The following MYADML2 variants were observed in gnomAD, a reference collection of about 807,000 sequenced individuals.
MYADML2 encodes myeloid-associated differentiation marker-like protein 2.
Under a neutral mutation model 16.0 loss-of-function variants are expected in MYADML2, and 17 were observed. That is an observed-to-expected ratio of 1.06 (90% CI 0.73 to 1.60). The LOEUF is 1.60. MYADML2 is among the 40% of genes most tolerant of loss of function. The probability of loss-of-function intolerance (pLI) is 0.00; values close to 1 mark genes in which losing one functional copy is unlikely to be tolerated. For synonymous variants in MYADML2, 210 were observed against 208.1 expected (o/e 1.01, Z -0.08); for missense variants, 422 against 437.7 (o/e 0.96, Z 0.32).
chr17:81,946,721 A>G (rs1338304781), intron 1 of MYADML2, among the ~76,000 whole-genome samples: 1 of 152,184 alleles, frequency 6.6e-6, no homozygotes, highest in Non-Finnish European at 1.5e-5. Flanking sequence ...CTGTACATCC[A>G]GCACTGTTGG....
At position 81,941,151 on chromosome 17, in the gene MYADML2, G is replaced by T; in HGVS notation, c.591C>A (p.Cys197Ter). The T allele has an allele frequency of 6.5e-7, 1 of 1,550,190 alleles. No individual in the cohort carries two copies. The highest frequency in any genetic ancestry group is 8.7e-7 in the Non-Finnish European group (1 of 1,146,940). Reference sequence around the variant, plus strand: ...GGAAGCACAGGCTGTAGACGGCCACGCACCACTGGGTGGCCACGTAGCGCC... The same window carrying T: ...GGAAGCACAGGCTGTAGACGGCCACTCACCACTGGGTGGCCACGTAGCGCC... The part of the protein sequence containing the change: ...RYGRYVATQW[C>*]VAVYSLCFLA... The change falls in exon 3 of 3, where the codon TGC becomes TGA. Residue 197 changes from cysteine (C) to a stop codon, truncating the protein, a stop_gained. Transcript: ENST00000409745. LOFTEE classifies it high-confidence loss of function.
In MYADML2 at chr17:81,941,145, G is replaced by A. The variant is rs181526972; in HGVS notation, c.597C>T (p.Ala199=). ...GRYVATQWCV[A]VYSLCFLATV... ...TGGCCAGGAAGCACAGGCTGTAGACGGCCACGCACCACTGGGTGGCCACGT... is the reference window on the plus strand; with the variant it reads ...TGGCCAGGAAGCACAGGCTGTAGACAGCCACGCACCACTGGGTGGCCACGT... Residue 199 remains alanine (A), a synonymous_variant, in exon 3 of 3, where the codon GCC becomes GCT. Coordinates refer to ENST00000409745, the MANE Select transcript of MYADML2 (RefSeq NM_001145113.3). 2,101 of 1,550,226 alleles carry A rather than the reference G, an allele frequency of 1.4e-3. 32 individuals carry two copies. The African/African-American group carries it at 0.025, about 18-fold the overall frequency.
In MYADML2 at chr17:81,942,776, C is replaced by T. The variant is rs1488919923; in HGVS notation, c.-180-403G>A. Among the ~76,000 whole-genome samples the T allele has an allele frequency of 1.3e-5, 2 of 152,062 alleles. No homozygotes were observed. The highest frequency in any genetic ancestry group is 2.4e-5 in the African/African-American group (1 of 41,402). The stretch of plus-strand genomic sequence containing the variant: ...CCATGTTGGCCAGGCTGGTCTTGAT[C>T]TCTTGACCTCATGATCCGCCTGCCT... On this transcript the variant is annotated intron_variant, in intron 1 of 2. Coordinates refer to ENST00000409745, the MANE Select transcript of MYADML2 (RefSeq NM_001145113.3). The surrounding 1 kb of genome is among the most constrained non-coding windows in gnomAD (Gnocchi z 4.4).
chr17:81,940,806 T>C lies in MYADML2; in HGVS notation c.*12A>G. Reference sequence around the variant, plus strand: ...GGCCAGAGAGCAGAGGTGGGTGGGCTGCCACTGTGGGCTACAGGCTGGGCA... The same window carrying C: ...GGCCAGAGAGCAGAGGTGGGTGGGCCGCCACTGTGGGCTACAGGCTGGGCA... On this transcript the variant is annotated 3_prime_UTR_variant, in exon 3 of 3. Coordinates refer to ENST00000409745, the MANE Select transcript of MYADML2 (RefSeq NM_001145113.3). The C allele has an allele frequency of 6.7e-7, 1 of 1,486,462 alleles. No homozygotes were observed. Among genetic ancestry groups the C allele is most frequent in the Non-Finnish European group, 9.0e-7 (1 of 1,111,378 alleles). 92.1% of individuals were successfully genotyped at this position (1,486,462 alleles called of 1,614,324 possible). A position where few individuals can be genotyped will look rare whatever the true frequency, so the allele number is the denominator to read the frequency against.
chr17:81,945,208 CT>C (rs1010322823), intron 1 of MYADML2, among the ~76,000 whole-genome samples: 3 of 151,698 alleles, frequency 2.0e-5, no homozygotes, highest in African/African-American at 7.3e-5. Flanking sequence ...TGAGACCAGC[CT>C]GGCCAACATG....
rs1001870442 is a variant in MYADML2, at chr17:81,940,168, G to C, written c.*650C>G. ...AAACACTGTGGCTACCAGCCCAGAG[G>C]CTTCCCGGACGTGGGTGGGAGAGGC... On this transcript the variant is annotated 3_prime_UTR_variant, in exon 3 of 3. Transcript: ENST00000409745. 5.3e-5 allele frequency: 8 copies of C among 152,352 alleles called. No homozygotes were observed. Among genetic ancestry groups the C allele is most frequent in the African/African-American group, 1.9e-4 (8 of 41,474 alleles). The allele number at this position is 152,352 out of a possible 1,614,324, so 9.4% of individuals were successfully genotyped here.
intron 1 of MYADML2, among the ~76,000 whole-genome samples, chr17:81,943,832 G>A (rs938957230): frequency 3.9e-5 from 6 of 152,060 alleles, no homozygotes; most frequent in East Asian, 3.9e-4. Context: ...AAATCCAGCC[G>A]GGCGCGGTGG....
rs190639061 is a variant in MYADML2 at position 81,940,605 on chromosome 17, C to T, written c.*213G>A. 9.0e-6 allele frequency: 5 copies of T among 553,632 alleles called. No individual in the cohort carries two copies. Among genetic ancestry groups the T allele is most frequent in the Admixed American group, 3.1e-5 (1 of 31,770 alleles). 34.3% of individuals were successfully genotyped at this position (553,632 alleles called of 1,614,324 possible). A position where few individuals can be genotyped will look rare whatever the true frequency, so the allele number is the denominator to read the frequency against. On this transcript the variant is annotated 3_prime_UTR_variant, in exon 3 of 3. Transcript: ENST00000409745. ...TTGGCCTAGGTGAGGCTCTCCCCTG[C>T]GTCTGCTCAGGGCCTCTGCCCTACT...
chr17:81,940,959 G>A lies in MYADML2; in HGVS notation c.783C>T (p.Pro261=). 1 of 1,550,674 alleles carries A rather than the reference G, an allele frequency of 6.4e-7. No individual in the cohort carries two copies. The highest frequency in any genetic ancestry group is 1.2e-5 in the South Asian group (1 of 84,060). Residue 261 remains proline (P), a synonymous_variant, in exon 3 of 3, where the codon CCC becomes CCT. Transcript: ENST00000409745. ...CCCGAGCACAGTTGGGGGGCCGTTTGGGCTCACCGTACTTGGGATCGAAAC... is the reference window on the plus strand; with the variant it reads ...CCCGAGCACAGTTGGGGGGCCGTTTAGGCTCACCGTACTTGGGATCGAAAC... ...VFCFDPKYGE[P]KRPPNCARGS... is the part of the protein sequence containing the mutation.
chr17:81,942,780 T>A lies in MYADML2; in HGVS notation c.-180-407A>T, dbSNP rs2041316235. 1.3e-5 allele frequency among the ~76,000 whole-genome samples: 2 copies of A among 152,166 alleles called. No individual in the cohort carries two copies. The highest frequency in any genetic ancestry group is 6.5e-5 in the Admixed American group (1 of 15,278). On this transcript the variant is annotated intron_variant, in intron 1 of 2. Coordinates refer to ENST00000409745, the MANE Select transcript of MYADML2 (RefSeq NM_001145113.3). This position sits in a 1 kb window ranked among gnomAD's most constrained non-coding sequence, Gnocchi z 4.4. ...GTTGGCCAGGCTGGTCTTGATCTCT[T>A]GACCTCATGATCCGCCTGCCTCGGC...
At position 81,942,053 on chromosome 17, in the gene MYADML2, C is replaced by T; in HGVS notation, c.-102-210G>A. The T allele has an allele frequency of 3.3e-6, 1 of 306,556 alleles. No individual in the cohort carries two copies. Among genetic ancestry groups the T allele is most frequent in the Non-Finnish European group, 6.0e-6 (1 of 166,010 alleles). 19.0% of individuals were successfully genotyped at this position (306,556 alleles called of 1,614,324 possible). A position where few individuals can be genotyped will look rare whatever the true frequency, so the allele number is the denominator to read the frequency against. ...CCATTAACCCATTGGCTGCTGGCACCACCCCCACCTCCGCCTCCCGCGCAC... is the reference window on the plus strand; with the variant it reads ...CCATTAACCCATTGGCTGCTGGCACTACCCCCACCTCCGCCTCCCGCGCAC... On this transcript the variant is annotated intron_variant, in intron 2 of 2. Transcript: ENST00000409745. This position sits in a 1 kb window ranked among gnomAD's most constrained non-coding sequence, Gnocchi z 4.4.
Position 81,940,602 on chromosome 17 carries a change from C to T in MYADML2, c.*216G>A, listed in dbSNP as rs2041293735. ...GGATTGGCCTAGGTGAGGCTCTCCC[C>T]TGCGTCTGCTCAGGGCCTCTGCCCT... On this transcript the variant is annotated 3_prime_UTR_variant, in exon 3 of 3. Transcript: ENST00000409745. 7 of 550,546 alleles carry T rather than the reference C, an allele frequency of 1.3e-5. No individual in the cohort carries two copies. Among genetic ancestry groups the T allele is most frequent in the African/African-American group, 7.5e-5 (4 of 53,476 alleles). 34.1% of individuals were successfully genotyped at this position (550,546 alleles called of 1,614,324 possible).
chr17:81,945,047 C>T (rs1432057951), intron 1 of MYADML2, among the ~76,000 whole-genome samples: 1 of 152,122 alleles, frequency 6.6e-6, no homozygotes, highest in Non-Finnish European at 1.5e-5. Flanking sequence ...AGGCAGATCA[C>T]TTGAGCTCAG....
chr17:81,944,387 C>CCTT (rs10684167), intron 1 of MYADML2, among the ~76,000 whole-genome samples: 89,388 of 149,010 alleles, frequency 0.6, 27,240 homozygotes, highest in African/African-American at 0.65. Flanking sequence ...GAGCGAGACT[C>CCTT]CTCAAAAAAA....
chr17:81,940,777 T>G lies in MYADML2; in HGVS notation c.*41A>C. 1 of 1,464,662 alleles carries G rather than the reference T, an allele frequency of 6.8e-7. No homozygotes were observed. Among genetic ancestry groups the G allele is most frequent in the Non-Finnish European group, 9.1e-7 (1 of 1,103,468 alleles). 90.7% of individuals were successfully genotyped at this position (1,464,662 alleles called of 1,614,324 possible). On this transcript the variant is annotated 3_prime_UTR_variant, in exon 3 of 3. Transcript: ENST00000409745. ...GAGTTTCCCTCGCAGAGCCTGGAGC[T>G]GGTGGCCAGAGAGCAGAGGTGGGTG...
intron 1 of MYADML2, among the ~76,000 whole-genome samples, chr17:81,945,819 A>T (rs1309449784): frequency 6.6e-6 from 1 of 151,728 alleles, no homozygotes; most frequent in East Asian, 1.9e-4. Context: ...GTGAACTGTG[A>T]TTATGCCGTC....
intron 1 of MYADML2, among the ~76,000 whole-genome samples, chr17:81,945,309 G>A (rs2041335782): frequency 6.6e-6 from 1 of 152,118 alleles, no homozygotes; most frequent in Non-Finnish European, 1.5e-5. Context: ...GGAGGCCAAG[G>A]TGGGCGGATC....
Position 81,940,653 on chromosome 17 carries a change from C to T in MYADML2, c.*165G>A. ...ACTGTCCTGCCCTTGTCCCTCTGAG[C>T]CCAGTCTGGAAGTCGGGGAGTGACC... On this transcript the variant is annotated 3_prime_UTR_variant, in exon 3 of 3. Coordinates refer to ENST00000409745, the MANE Select transcript of MYADML2 (RefSeq NM_001145113.3). 1.3e-6 allele frequency: 1 copy of T among 749,016 alleles called. No individual in the cohort carries two copies. Among genetic ancestry groups the T allele is most frequent in the Non-Finnish European group, 2.1e-6 (1 of 474,416 alleles). The allele number at this position is 749,016 out of a possible 1,614,324, so 46.4% of individuals were successfully genotyped here.
At position 81,941,530 on chromosome 17, in the gene MYADML2, C is replaced by G. The variant is rs2041304356; in HGVS notation, c.212G>C (p.Cys71Ser). ...CFAVSALVVA[C>S]EFTRLHGCLR... ...GCAGCCGTGGAGCCGTGTGAACTCA[C>G]AGGCCACCACCAGCGCAGAGACGGC... The change falls in exon 3 of 3, where the codon TGT becomes TCT. Residue 71 changes from cysteine to serine, a missense_variant. By Grantham distance (112) the Cys-to-Ser change is moderately radical. Transcript: ENST00000409745. The G allele has an allele frequency of 2.6e-6, 4 of 1,547,890 alleles. No homozygotes were observed. In the South Asian group the frequency reaches 4.8e-5, roughly 18 times the overall value.
Sources: allele counts gnomAD v4.1 joint callset (sites outside exome capture counted in the v4.1 genomes callset), GRCh38; gene constraint gnomAD v4.1.1; non-coding constraint Gnocchi (gnomAD v3.1); transcripts MANE v1.5; gene names NCBI Gene and HGNC (gene_info 2026-07-23, HGNC 2026-07-21).